GALNTL6: variants seen among roughly 807,000 people sequenced by gnomAD.
GALNTL6 encodes polypeptide N-acetylgalactosaminyltransferase like 6, also known as polypeptide N-acetylgalactosaminyltransferase-like 6.
A neutral mutation model predicts 73.7 loss-of-function variants in GALNTL6; 46 were observed. The observed-to-expected ratio is 0.62, with a 90% CI of 0.49 to 0.80. The LOEUF (loss-of-function observed/expected upper bound fraction) is 0.80, where lower values mean the gene tolerates loss of function less well. Ranked by LOEUF, GALNTL6 falls within the 30% of genes least tolerant of loss-of-function variation. The pLI is 0.00. For synonymous variants in GALNTL6, 259 were observed against 263.7 expected (o/e 0.98, Z 0.17); for missense variants, 604 against 755.0 (o/e 0.80, Z 2.34).
chr4:172,346,853 A>C (rs1455590819), intron 4 of GALNTL6, among the ~76,000 whole-genome samples: 3 of 152,162 alleles, frequency 2.0e-5, no homozygotes, highest in Admixed American at 6.5e-5. Context: ...TATTGAAAAC[A>C]TTTCAAAAGA....
At chr4:172,469,418 C>T (rs909838727) in intron 5 of GALNTL6, among the ~76,000 whole-genome samples, 1 of 150,574 alleles carries the variant, frequency 6.6e-6, no homozygotes, top group Non-Finnish European at 1.5e-5. Context: ...CCAGCCTGGG[C>T]AACATAGTGA....
At chr4:172,174,194 G>A (rs1283840298) in intron 2 of GALNTL6, among the ~76,000 whole-genome samples, 2 of 152,140 alleles carry the variant, frequency 1.3e-5, no homozygotes, top group African/African-American at 4.8e-5. Flanking sequence ...TAGAGATGGA[G>A]AAAAGTGGAC....
chr4:172,239,885 C>T (rs997183256), intron 3 of GALNTL6, among the ~76,000 whole-genome samples: 9 of 152,300 alleles, frequency 5.9e-5, no homozygotes, highest in East Asian at 5.8e-4. Context: ...TGAAAACAGG[C>T]GACCAATCTC....
intron 5 of GALNTL6, among the ~76,000 whole-genome samples, chr4:172,786,721 T>A (rs1178875990): frequency 6.6e-6 from 1 of 152,090 alleles, no homozygotes; most frequent in Non-Finnish European, 1.5e-5. Context: ...GAGGGGCACA[T>A]TCTTGGAAGA....
At chr4:171,829,921 T>C (rs745349440) in intron 2 of GALNTL6, among the ~76,000 whole-genome samples, 1 of 152,038 alleles carries the variant, frequency 6.6e-6, no homozygotes, top group African/African-American at 2.4e-5. Context: ...TCATTCTAGA[T>C]TATCTGCCCT....
chr4:172,052,638 A>C (rs576028067), intron 2 of GALNTL6: 2 of 618,318 alleles, frequency 3.2e-6, no homozygotes, highest in East Asian at 5.9e-5. Flanking sequence ...ACGTAGTCTC[A>C]CCATCATCTC....
intron 2 of GALNTL6, among the ~76,000 whole-genome samples, chr4:172,197,635 C>T (rs1024890127): frequency 2.0e-5 from 3 of 151,026 alleles, no homozygotes; most frequent in Non-Finnish European, 4.4e-5. Flanking sequence ...AATAAGATTG[C>T]ACATCTACAC....
At position 171,865,268 on chromosome 4, in the gene GALNTL6, A is replaced by G. The variant is rs142180671; in HGVS notation, c.138+50550A>G. ...AGTCAAGAAATGAATTGTGAAATAT[A>G]ATGAGAGACAGACATACAAATGGGT... On this transcript the variant is annotated intron_variant, in intron 2 of 12. Coordinates refer to ENST00000506823, the MANE Select transcript of GALNTL6 (RefSeq NM_001034845.3). Among the ~76,000 whole-genome samples, 110 of 152,330 alleles carry G rather than the reference A, an allele frequency of 7.2e-4. 2 individuals are homozygous for G. Among genetic ancestry groups the G allele is most frequent in the African/African-American group, 2.5e-3 (106 of 41,584 alleles).
In GALNTL6 at chr4:172,805,043, C is replaced by T. The variant is rs917096268; in HGVS notation, c.554-4318C>T. Among the ~76,000 whole-genome samples the T allele has an allele frequency of 1.1e-4, 17 of 152,058 alleles. 1 individual carries two copies. Among genetic ancestry groups the T allele is most frequent in the African/African-American group, 3.1e-4 (13 of 41,448 alleles). On this transcript the variant is annotated intron_variant, in intron 5 of 12. Transcript: ENST00000506823. ...AATCTACTCAGTAAGTAAAATATCA[C>T]GAGGGAAATTATAGAATTAGAAAAC...
chr4:171,843,576 C>A (rs1013487100), intron 2 of GALNTL6, among the ~76,000 whole-genome samples: 2 of 151,886 alleles, frequency 1.3e-5, no homozygotes, highest in African/African-American at 4.8e-5. Context: ...TGCTTTTAAC[C>A]GCAAATGGGC....
At chr4:172,211,678 G>A (rs1162933462) in intron 2 of GALNTL6, among the ~76,000 whole-genome samples, 4 of 152,158 alleles carry the variant, frequency 2.6e-5, no homozygotes, top group Non-Finnish European at 5.9e-5. Flanking sequence ...CTTACATTGG[G>A]TAATTTATGA....
intron 5 of GALNTL6, among the ~76,000 whole-genome samples, chr4:172,726,787 A>G (rs1352201766): frequency 1.3e-5 from 2 of 152,188 alleles, no homozygotes; most frequent in African/African-American, 4.8e-5. Flanking sequence ...ATGATCAAAA[A>G]GAAGGAACTC....
rs139419202 is a variant in GALNTL6 at position 173,009,062 on chromosome 4, T to C, written c.1372-116T>C. Reference sequence around the variant, plus strand: ...CATACAAATTCAAGGTCTCATTCAATATGCATGTAACCAAAAAGATAATCT... The same window carrying C: ...CATACAAATTCAAGGTCTCATTCAACATGCATGTAACCAAAAAGATAATCT... On this transcript the variant is annotated intron_variant, in intron 10 of 12. Coordinates refer to ENST00000506823, the MANE Select transcript of GALNTL6 (RefSeq NM_001034845.3). 119 of 712,866 alleles carry C rather than the reference T, an allele frequency of 1.7e-4. 2 individuals carry two copies. In the African/African-American group the frequency reaches 1.8e-3, roughly 11 times the overall value. 44.2% of individuals were successfully genotyped at this position (712,866 alleles called of 1,614,324 possible).
At chr4:172,448,717 A>G (rs1392851025) in intron 5 of GALNTL6, among the ~76,000 whole-genome samples, 1 of 152,160 alleles carries the variant, frequency 6.6e-6, no homozygotes, top group East Asian at 1.9e-4. Context: ...ATCCATCTGA[A>G]CTGGAATGAT....
chr4:172,055,190 CCTT>C (rs1372248381), intron 2 of GALNTL6, among the ~76,000 whole-genome samples: 1 of 152,124 alleles, frequency 6.6e-6, no homozygotes, highest in East Asian at 1.9e-4. Flanking sequence ...CCCCTGCTTT[CCTT>C]CTTCTTATTC....
intron 5 of GALNTL6, among the ~76,000 whole-genome samples, chr4:172,619,793 A>G (rs1160359071): frequency 6.6e-6 from 1 of 152,212 alleles, no homozygotes; most frequent in African/African-American, 2.4e-5. Context: ...GAGTGTGTAT[A>G]TATACCTTGG....
At chr4:172,566,087 A>C (rs1255762879) in intron 5 of GALNTL6, among the ~76,000 whole-genome samples, 2 of 152,172 alleles carry the variant, frequency 1.3e-5, no homozygotes, top group Admixed American at 1.3e-4. Context: ...ACAGCAATAA[A>C]CTGATGGTAA....
chr4:172,053,078 A>T (rs1730923161), intron 2 of GALNTL6, among the ~76,000 whole-genome samples: 1 of 152,178 alleles, frequency 6.6e-6, no homozygotes, highest in African/African-American at 2.4e-5. Context: ...ACAAAAATAA[A>T]ATACAAATAA....
intron 8 of GALNTL6, among the ~76,000 whole-genome samples, chr4:172,904,466 G>C (rs1426852253): frequency 6.6e-6 from 1 of 152,140 alleles, no homozygotes; most frequent in African/African-American, 2.4e-5. Context: ...TTTGTTATGG[G>C]ATGAGGCTGT....
Sources: allele counts gnomAD v4.1 joint callset (sites outside exome capture counted in the v4.1 genomes callset), GRCh38; gene constraint gnomAD v4.1.1; transcripts MANE v1.5; gene names NCBI Gene and HGNC (gene_info 2026-07-23, HGNC 2026-07-21).